Variants in PACRG observed in about 807,000 individuals in gnomAD.
PACRG encodes the protein parkin coregulated, also known as parkin coregulated gene protein.
A neutral mutation model predicts 29.7 loss-of-function variants in PACRG; 29 were observed. That is an observed-to-expected ratio of 0.98 (90% confidence interval 0.73 to 1.33). PACRG has a LOEUF of 1.33. PACRG is among the 40% of genes most tolerant of loss of function. PACRG has a pLI of 0.00. For synonymous variants in PACRG, 116 were observed against 118.7 expected (o/e 0.98, Z 0.15); for missense variants, 279 against 316.2 (o/e 0.88, Z 0.89).
At chr6:163,178,086 C>T (rs781283168) in intron 4 of PACRG, among the ~76,000 whole-genome samples, 6 of 152,112 alleles carry the variant, frequency 3.9e-5, no homozygotes, top group Non-Finnish European at 8.8e-5. Context: ...GGAGAGCAGA[C>T]GGAGCTCAGC....
At chr6:162,958,905 A>T (rs1161390065) in intron 2 of PACRG, among the ~76,000 whole-genome samples, 63 of 102,768 alleles carry the variant, frequency 6.1e-4, no homozygotes, top group African/African-American at 2.4e-3. Context: ...AGAGAGAGAG[A>T]GAGAGAGAGA....
chr6:163,095,593 T>G (rs564148766), intron 4 of PACRG: 11 of 294,768 alleles, frequency 3.7e-5, no homozygotes, highest in Non-Finnish European at 5.0e-5. Context: ...TCCTTCCTGC[T>G]GCTTCTAGCT....
chr6:162,761,799 T>C (rs1421309445), intron 1 of PACRG, among the ~76,000 whole-genome samples: 1 of 151,586 alleles, frequency 6.6e-6, no homozygotes, highest in African/African-American at 2.4e-5. Context: ...CAGCTGGGCA[T>C]GGTGGTTCAC....
At chr6:163,148,970 G>T (rs1204922497) in intron 4 of PACRG, among the ~76,000 whole-genome samples, 8 of 92,286 alleles carry the variant, frequency 8.7e-5, no homozygotes, top group African/African-American at 1.6e-4. Context: ...GCGGGGGGGG[G>T]GGGGGGGGGG....
intron 4 of PACRG, chr6:163,100,918 T>C (rs1170627163): frequency 2.0e-6 from 2 of 984,896 alleles, no homozygotes; most frequent in Non-Finnish European, 2.4e-6. Flanking sequence ...CTTGAATTAA[T>C]GTTCCAAGTA....
intron 1 of PACRG, among the ~76,000 whole-genome samples, chr6:162,805,237 TATCTC>T (rs781308104): frequency 5.2e-4 from 79 of 152,290 alleles, no homozygotes; most frequent in Middle Eastern, 3.4e-3. Flanking sequence ...ATGAAGCAAA[TATCTC>T]AGTTCAGAGA....
At chr6:162,785,168 C>CAGAG (rs71008111) in intron 1 of PACRG, among the ~76,000 whole-genome samples, 2,793 of 138,082 alleles carry the variant, frequency 0.02, 40 homozygotes, top group Middle Eastern at 0.034. Context: ...ATGAGGGAGG[C>CAGAG]AGAGAGAGAG....
At chr6:163,091,356 T>C (rs1003368911) in intron 4 of PACRG, among the ~76,000 whole-genome samples, 2 of 152,222 alleles carry the variant, frequency 1.3e-5, no homozygotes, top group Admixed American at 1.3e-4. Flanking sequence ...CAGGTGTTCA[T>C]ACACTTAACA....
chr6:162,793,597 T>C lies in PACRG; in HGVS notation c.157-20550T>C, dbSNP rs115608186. 6.9e-3 allele frequency among the ~76,000 whole-genome samples: 1,056 copies of C among 152,334 alleles called. 19 individuals carry two copies. Among genetic ancestry groups the C allele is most frequent in the African/African-American group, 0.024 (1,015 of 41,560 alleles). On this transcript the variant is annotated intron_variant, in intron 1 of 4. Transcript: ENST00000366888. ...AGAAGAAGGAAGAAAGGAATTGACA[T>C]GTGCATCTGCATTTAGCAGGCATCA...
intron 4 of PACRG, among the ~76,000 whole-genome samples, chr6:163,113,673 A>G (rs1203643208): frequency 2.0e-5 from 3 of 152,220 alleles, no homozygotes; most frequent in Non-Finnish European, 4.4e-5. Flanking sequence ...GTATATCAAA[A>G]GCAAAGGGGA....
At chr6:162,748,706 C>T (rs994590252) in intron 1 of PACRG, among the ~76,000 whole-genome samples, 4 of 152,078 alleles carry the variant, frequency 2.6e-5, no homozygotes, top group Admixed American at 1.3e-4. Context: ...GCAGCCTACT[C>T]CCCTCCCCCA....
At chr6:162,845,163 T>G (rs916284368) in intron 2 of PACRG, among the ~76,000 whole-genome samples, 3 of 152,134 alleles carry the variant, frequency 2.0e-5, no homozygotes, top group African/African-American at 7.2e-5. Flanking sequence ...TAAATTCACT[T>G]GATGAGATAT....
At chr6:162,892,344 C>T (rs915710515) in intron 2 of PACRG, among the ~76,000 whole-genome samples, 5 of 152,180 alleles carry the variant, frequency 3.3e-5, no homozygotes, top group Non-Finnish European at 5.9e-5. Flanking sequence ...CCTGGTCACA[C>T]GCTTGACTAA....
chr6:163,257,016 C>T (rs1033999068), intron 4 of PACRG, among the ~76,000 whole-genome samples: 2 of 152,152 alleles, frequency 1.3e-5, no homozygotes, highest in African/African-American at 2.4e-5. Context: ...GCCATCTTCA[C>T]GTGGTCTTTT....
At chr6:163,081,856 A>G (rs756123361) in intron 3 of PACRG, among the ~76,000 whole-genome samples, 4 of 152,236 alleles carry the variant, frequency 2.6e-5, no homozygotes, top group Admixed American at 2.0e-4. Context: ...TGATAAAAAA[A>G]CTAACATGCC....
chr6:162,898,089 G>C (rs986128304), intron 2 of PACRG, among the ~76,000 whole-genome samples: 1 of 152,196 alleles, frequency 6.6e-6, no homozygotes, highest in African/African-American at 2.4e-5. Flanking sequence ...GTGAAGTTTT[G>C]CCCTCCTAAG....
intron 2 of PACRG, among the ~76,000 whole-genome samples, chr6:162,842,168 G>A (rs1268750145): frequency 2.0e-5 from 3 of 149,844 alleles, no homozygotes; most frequent in East Asian, 2.0e-4. Context: ...TTTCTATCTC[G>A]TTGATCTGTC....
intron 1 of PACRG, among the ~76,000 whole-genome samples, chr6:162,799,861 A>G (rs1480152598): frequency 6.6e-6 from 1 of 152,146 alleles, no homozygotes; most frequent in Non-Finnish European, 1.5e-5. Context: ...GTAAGAAATA[A>G]CTCTTGCAAG....
At chr6:163,025,665 C>T (rs1388456075) in intron 2 of PACRG, among the ~76,000 whole-genome samples, 1 of 152,136 alleles carries the variant, frequency 6.6e-6, no homozygotes, top group African/African-American at 2.4e-5. Flanking sequence ...ATTTATTTTC[C>T]TTTTGAATTT....
Sources: allele counts gnomAD v4.1 joint callset (sites outside exome capture counted in the v4.1 genomes callset), GRCh38; gene constraint gnomAD v4.1.1; transcripts MANE v1.5; gene names NCBI Gene and HGNC (gene_info 2026-07-23, HGNC 2026-07-21).